The following PCDHA10 variants were observed in gnomAD, a reference collection of about 807,000 sequenced individuals.
PCDHA10 encodes protocadherin alpha-10.
PCDHA10 carries 45 observed loss-of-function variants against 61.2 expected under a neutral mutation model. That is an observed-to-expected ratio of 0.74 (90% CI 0.58 to 0.94). The LOEUF is 0.94. Ranked by LOEUF, PCDHA10 falls within the 40% of genes least tolerant of loss-of-function variation. PCDHA10 has a pLI of 0.00. For synonymous variants in PCDHA10, 602 were observed against 548.8 expected (o/e 1.10, Z -1.35); for missense variants, 1,278 against 1,236.2 (o/e 1.03, Z -0.51).
chr5:140,910,183 A>C (rs2074920018), intron 1 of PCDHA10, among the ~76,000 whole-genome samples: 1 of 152,238 alleles, frequency 6.6e-6, no homozygotes, highest in Non-Finnish European at 1.5e-5. Context: ...TTTATAATTC[A>C]AATTAGTCTT....
At chr5:140,887,253 C>T (rs1045921651) in intron 1 of PCDHA10, among the ~76,000 whole-genome samples, 3 of 151,962 alleles carry the variant, frequency 2.0e-5, no homozygotes, top group Admixed American at 6.6e-5. Flanking sequence ...CCCGCCACCA[C>T]GCCCTGCTAA....
intron 1 of PCDHA10, among the ~76,000 whole-genome samples, chr5:140,960,408 A>C (rs1006586468): frequency 6.6e-6 from 1 of 152,206 alleles, no homozygotes; most frequent in Admixed American, 6.5e-5. Flanking sequence ...GGGGGTGCCC[A>C]AAAAGTCAAC....
In PCDHA10 at chr5:140,997,121, A is replaced by G. The variant is rs138556400; in HGVS notation, c.2537-12506A>G. On this transcript the variant is annotated intron_variant, in intron 3 of 3. Transcript: ENST00000307360. ...CTCATGCACTCCTGCTCTCCCACAT[A>G]CACAATGCCCCCACACCCCCGCCAC... 2.1e-4 allele frequency among the ~76,000 whole-genome samples: 32 copies of G among 152,152 alleles called. No individual in the cohort carries two copies. The East Asian group carries it at 5.8e-3, about 28-fold the overall frequency.
At chr5:140,984,052 A>G (rs2097083396) in intron 3 of PCDHA10, among the ~76,000 whole-genome samples, 2 of 152,204 alleles carry the variant, frequency 1.3e-5, no homozygotes, top group African/African-American at 4.8e-5. Context: ...TCATTGACAA[A>G]TCTGTACCCT....
intron 1 of PCDHA10, among the ~76,000 whole-genome samples, chr5:140,978,570 G>C (rs151127662): frequency 6.6e-6 from 1 of 152,196 alleles, no homozygotes; most frequent in Middle Eastern, 3.2e-3. Flanking sequence ...CTGTAATACT[G>C]AATTGGGAAT....
chr5:140,895,166 C>T (rs1319581978), intron 1 of PCDHA10, among the ~76,000 whole-genome samples: 1 of 152,138 alleles, frequency 6.6e-6, no homozygotes, highest in Non-Finnish European at 1.5e-5. Context: ...ACAATCCAAT[C>T]TATTTGTAGT....
chr5:140,998,942 T>C (rs1435302179), intron 3 of PCDHA10, among the ~76,000 whole-genome samples: 4 of 152,222 alleles, frequency 2.6e-5, no homozygotes, highest in Non-Finnish European at 5.9e-5. Flanking sequence ...ATGAAGAAAC[T>C]GTAAGTCAAT....
intron 3 of PCDHA10, among the ~76,000 whole-genome samples, chr5:140,996,315 G>A (rs2097722113): frequency 6.6e-6 from 1 of 152,188 alleles, no homozygotes; most frequent in African/African-American, 2.4e-5. Flanking sequence ...AGTAAGGGGG[G>A]AGGGTAGAGA....
intron 1 of PCDHA10, among the ~76,000 whole-genome samples, chr5:140,963,059 A>G (rs1307714661): frequency 6.6e-6 from 1 of 152,162 alleles, no homozygotes; most frequent in Non-Finnish European, 1.5e-5. Context: ...GGGTTTCTAC[A>G]TTGTGAAGGA....
intron 3 of PCDHA10, among the ~76,000 whole-genome samples, chr5:141,003,559 T>C (rs2098129977): frequency 6.6e-6 from 1 of 152,106 alleles, no homozygotes; most frequent in Admixed American, 6.5e-5. Context: ...GTGATCCACC[T>C]GCCTCAGACT....
At chr5:140,881,075 G>A (rs2058577107) in intron 1 of PCDHA10, among the ~76,000 whole-genome samples, 1 of 152,202 alleles carries the variant, frequency 6.6e-6, no homozygotes, top group African/African-American at 2.4e-5. Context: ...AATTATTGGA[G>A]CTATGATATA....
chr5:140,907,252 A>C (rs1459023391), intron 1 of PCDHA10, among the ~76,000 whole-genome samples: 3 of 152,152 alleles, frequency 2.0e-5, no homozygotes, highest in African/African-American at 7.2e-5. Flanking sequence ...TGTAATTGTG[A>C]CTTCAAAAGG....
At chr5:140,928,729 G>A (rs2085477021) in intron 1 of PCDHA10, 1 of 1,613,996 alleles carries the variant, frequency 6.2e-7, no homozygotes, top group Non-Finnish European at 8.5e-7. Context: ...TAGAATTTCA[G>A]CCAATATAGG....
intron 1 of PCDHA10, chr5:140,968,791 C>G (rs2096270570): frequency 2.5e-6 from 4 of 1,614,076 alleles, no homozygotes; most frequent in Non-Finnish European, 3.4e-6. Flanking sequence ...CCTCTGTGGC[C>G]ATTACAGTAG....
At chr5:140,882,016 A>T in intron 1 of PCDHA10, 1 of 543,846 alleles carries the variant, frequency 1.8e-6, no homozygotes, top group Non-Finnish European at 3.0e-6. Context: ...AAAAAATACT[A>T]CATCAATGGA....
intron 1 of PCDHA10, among the ~76,000 whole-genome samples, chr5:140,895,594 T>C (rs2065067713): frequency 6.6e-6 from 1 of 152,228 alleles, no homozygotes; most frequent in Admixed American, 6.5e-5. Flanking sequence ...GATATATAAT[T>C]TGCAAAGATT....
intron 3 of PCDHA10, among the ~76,000 whole-genome samples, chr5:140,992,231 G>C (rs1234271245): frequency 1.3e-5 from 2 of 152,176 alleles, no homozygotes; most frequent in African/African-American, 4.8e-5. Context: ...CCTGGGAAGA[G>C]TAAGGAAGGA....
At chr5:140,994,998 G>A (rs2097659261) in intron 3 of PCDHA10, among the ~76,000 whole-genome samples, 1 of 152,150 alleles carries the variant, frequency 6.6e-6, no homozygotes, top group African/African-American at 2.4e-5. Context: ...AGGTTAGTTG[G>A]TTTGTTTATA....
At position 140,857,890 on chromosome 5, in the gene PCDHA10, G is replaced by A; in HGVS notation, c.1842G>A (p.Ala614=). ...TGTCGTATGAATTGCAGTCGGCGGC[G>A]GTTGGTGCACGCATCCCGTTTCGCG... The part of the protein sequence containing the change: ...AWLSYELQSA[A]VGARIPFRVG... The change falls in exon 1 of 4, where the codon GCG becomes GCA. Residue 614 remains alanine, a synonymous_variant. Transcript: ENST00000307360. 1.9e-6 allele frequency: 3 copies of A among 1,597,852 alleles called. No homozygotes were observed. The highest frequency in any genetic ancestry group is 2.6e-6 in the Non-Finnish European group (3 of 1,167,556).
Sources: gnomAD v4.1 joint callset for allele counts (sites outside exome capture counted in the v4.1 genomes callset) on GRCh38, gnomAD v4.1.1 for gene constraint, MANE v1.5 for transcripts, NCBI Gene and HGNC (gene_info 2026-07-23, HGNC 2026-07-21) for gene names.